SORCS3: variants seen among roughly 807,000 people sequenced by gnomAD.
SORCS3 encodes the protein sortilin related VPS10 domain containing receptor 3, also known as VPS10 domain-containing receptor SorCS3.
In SORCS3, 57 loss-of-function variants were observed where a neutral mutation model predicts 146.3. The ratio of observed to expected loss-of-function variants is 0.39; its 90% confidence interval spans 0.31 to 0.49. The LOEUF (loss-of-function observed/expected upper bound fraction) is 0.49. Among genes scored for constraint, SORCS3 ranks in the 20% least tolerant of loss-of-function variants. The pLI is 0.92. For synonymous variants in SORCS3, 653 were observed against 618.5 expected (o/e 1.06, Z -0.83); for missense variants, 1,341 against 1,575.5 (o/e 0.85, Z 2.52).
chr10:104,706,344 G>A (rs2016337979), intron 1 of SORCS3, among the ~76,000 whole-genome samples: 1 of 151,186 alleles, frequency 6.6e-6, no homozygotes, highest in Non-Finnish European at 1.5e-5. Flanking sequence ...AGTAGCTGGG[G>A]ACTACAGGCG....
At position 105,255,605 on chromosome 10, in the gene SORCS3, G is replaced by A. The variant is rs540997686; in HGVS notation, c.3238-97G>A. On this transcript the variant is annotated intron_variant, in intron 23 of 26. Transcript: ENST00000369701. ...ATCTTATCCCTAATTGAACCATGGT[G>A]ACTTTTTACCTATTGACCTTGTCCT... 6.0e-5 allele frequency: 46 copies of A among 764,002 alleles called. No homozygotes were observed. The South Asian group carries it at 7.4e-4, about 12-fold the overall frequency. The allele number at this position is 764,002 out of a possible 1,614,324, so 47.3% of individuals were successfully genotyped here. A position where few individuals can be genotyped will look rare whatever the true frequency, so the allele number is the denominator to read the frequency against.
intron 7 of SORCS3, among the ~76,000 whole-genome samples, chr10:105,114,489 A>G (rs1427637902): frequency 6.6e-6 from 1 of 152,118 alleles, no homozygotes; most frequent in African/African-American, 2.4e-5. Context: ...ACCCTGTGAG[A>G]TGAGGTGCTG....
At chr10:104,759,068 G>T (rs2017091387) in intron 1 of SORCS3, among the ~76,000 whole-genome samples, 1 of 152,158 alleles carries the variant, frequency 6.6e-6, no homozygotes, top group East Asian at 1.9e-4. Context: ...AGTAGGGTGG[G>T]CCCTGATCCA....
chr10:105,154,639 A>C (rs867754208), intron 9 of SORCS3, among the ~76,000 whole-genome samples: 14 of 152,248 alleles, frequency 9.2e-5, no homozygotes, highest in African/African-American at 3.1e-4. Flanking sequence ...AATGCTTTGT[A>C]GCTCCTTGGA....
Position 104,694,852 on chromosome 10 carries a change from G to A in SORCS3, c.627+52898G>A, listed in dbSNP as rs150493716. Among the ~76,000 whole-genome samples, 1,232 of 152,292 alleles carry A rather than the reference G, an allele frequency of 8.1e-3. 31 individuals carry two copies. The highest frequency in any genetic ancestry group is 0.046 in the East Asian group (240 of 5,184). Reference sequence around the variant, plus strand: ...ACAGGGTTTTGTGATGATTATATGAGATTATTGATATAAGTGCCTACTCTA... The same window carrying A: ...ACAGGGTTTTGTGATGATTATATGAAATTATTGATATAAGTGCCTACTCTA... On this transcript the variant is annotated intron_variant, in intron 1 of 26. Transcript: ENST00000369701.
intron 4 of SORCS3, among the ~76,000 whole-genome samples, chr10:105,027,605 A>G (rs910073782): frequency 6.6e-6 from 1 of 152,116 alleles, no homozygotes; most frequent in African/African-American, 2.4e-5. Context: ...ACATGCAGAG[A>G]GTGGCAAAAA....
intron 4 of SORCS3, among the ~76,000 whole-genome samples, chr10:105,032,771 C>G (rs2055277954): frequency 6.6e-6 from 1 of 152,008 alleles, no homozygotes; most frequent in African/African-American, 2.4e-5. Context: ...CAAATCTGAA[C>G]CTGGAAAATA....
intron 3 of SORCS3, among the ~76,000 whole-genome samples, chr10:104,918,435 T>A (rs1266741929): frequency 6.6e-6 from 1 of 152,210 alleles, no homozygotes; most frequent in East Asian, 1.9e-4. Context: ...TCTTGTACAG[T>A]GATAGCGTAG....
At chr10:105,207,483 C>G (rs7896413) in intron 16 of SORCS3, among the ~76,000 whole-genome samples, 3 of 151,714 alleles carry the variant, frequency 2.0e-5, no homozygotes, top group Non-Finnish European at 4.4e-5. Context: ...TTGCAGAATC[C>G]GCAGCAGTAG....
chr10:104,915,365 C>T (rs1168853806), intron 2 of SORCS3, among the ~76,000 whole-genome samples: 2 of 152,158 alleles, frequency 1.3e-5, no homozygotes, highest in East Asian at 3.9e-4. Flanking sequence ...TCCCTTGCTT[C>T]AGGCTCAATG....
intron 1 of SORCS3, among the ~76,000 whole-genome samples, chr10:104,755,157 T>C (rs2017035225): frequency 6.6e-6 from 1 of 152,210 alleles, no homozygotes; most frequent in African/African-American, 2.4e-5. Context: ...AGAGGATAGA[T>C]TTTGTTTGGA....
rs1043504575 is a variant in SORCS3, at chr10:104,684,267, T to C, written c.627+42313T>C. The stretch of plus-strand genomic sequence containing the variant: ...CTGCGAGGATTAAAGGAGGTGCCAT[T>C]CATAAAGCATGCCTGGCATGTGGCA... On this transcript the variant is annotated intron_variant, in intron 1 of 26. Transcript: ENST00000369701. 2.0e-5 allele frequency among the ~76,000 whole-genome samples: 3 copies of C among 152,190 alleles called. No homozygotes were observed. The East Asian group carries it at 5.8e-4, about 29-fold the overall frequency.
At chr10:105,010,746 G>A (rs2055130826) in intron 4 of SORCS3, among the ~76,000 whole-genome samples, 1 of 151,494 alleles carries the variant, frequency 6.6e-6, no homozygotes, top group Admixed American at 6.6e-5. Context: ...TCTTTCAGTG[G>A]CACTTTTCTG....
At chr10:105,150,557 T>G (rs1403340173) in intron 9 of SORCS3, among the ~76,000 whole-genome samples, 1 of 152,162 alleles carries the variant, frequency 6.6e-6, no homozygotes, top group Admixed American at 6.5e-5. Flanking sequence ...AGGAATGGAA[T>G]GAGCCAAGGA....
chr10:104,791,566 C>T (rs2017495858), intron 1 of SORCS3, among the ~76,000 whole-genome samples: 1 of 152,136 alleles, frequency 6.6e-6, no homozygotes, highest in Admixed American at 6.5e-5. Flanking sequence ...AACTTATAAA[C>T]CATTGTGAAC....
intron 3 of SORCS3, among the ~76,000 whole-genome samples, chr10:104,949,055 G>A (rs1232080325): frequency 6.6e-6 from 1 of 151,840 alleles, no homozygotes; most frequent in African/African-American, 2.4e-5. Flanking sequence ...ATCCATCCAG[G>A]TCTTCTCCAT....
chr10:104,915,742 G>C, intron 2 of SORCS3, 91 bp from the exon 3 acceptor site: 1 of 1,013,096 alleles, frequency 9.9e-7, no homozygotes, highest in East Asian at 2.4e-5. Context: ...GAAAGGTGCT[G>C]GTCGGTCGAG....
chr10:104,707,820 G>A (rs2133436462), intron 1 of SORCS3, among the ~76,000 whole-genome samples: 1 of 152,170 alleles, frequency 6.6e-6, no homozygotes, highest in South Asian at 2.1e-4. Context: ...CCCATCCCCA[G>A]CCCACTCCAA....
At chr10:104,722,861 TTC>T (rs2016568009) in intron 1 of SORCS3, among the ~76,000 whole-genome samples, 1 of 152,230 alleles carries the variant, frequency 6.6e-6, no homozygotes, top group Non-Finnish European at 1.5e-5. Flanking sequence ...TATTTGATTC[TTC>T]TCTCTTTTCT....
Sources: allele counts gnomAD v4.1 joint callset (sites outside exome capture counted in the v4.1 genomes callset), GRCh38; gene constraint gnomAD v4.1.1; transcripts MANE v1.5; gene names NCBI Gene and HGNC (gene_info 2026-07-23, HGNC 2026-07-21).